LMO7: variants seen among roughly 807,000 people sequenced by gnomAD.
The protein encoded by LMO7 is LIM domain 7.
Under a neutral mutation model 206.5 loss-of-function variants are expected in LMO7, and 120 were observed. That is an observed-to-expected ratio of 0.58 (90% CI 0.50 to 0.68). The LOEUF is 0.68. Among genes scored for constraint, LMO7 ranks in the 30% least tolerant of loss-of-function variants. The pLI, the probability that LMO7 is intolerant of heterozygous loss-of-function variation, is 0.00. For missense variants in LMO7, 1,959 were observed against 1,957.9 expected, an observed-to-expected ratio of 1.00 and a Z score of -0.01; for synonymous variants, 706 against 681.5, an observed-to-expected ratio of 1.04 and a Z score of -0.56.
At position 75,838,243 on chromosome 13, in the gene LMO7, C is replaced by T. The variant is rs375116087; in HGVS notation, c.3451+47C>T. ...TCATGCACTTTCATGGAATTGTTCT[C>T]CCTCTCCACTCTTCCTCATGGTCTG... On this transcript the variant is annotated intron_variant, in intron 20 of 30. Coordinates refer to ENST00000377534, the MANE Select transcript of LMO7 (RefSeq NM_001306080.2). 2.6e-6 allele frequency: 4 copies of T among 1,537,226 alleles called. No homozygotes were observed. The African/African-American group carries it at 4.1e-5, about 16-fold the overall frequency.
At chr13:75,737,990 A>G (rs977679344) in intron 3 of LMO7, among the ~76,000 whole-genome samples, 1 of 151,776 alleles carries the variant, frequency 6.6e-6, no homozygotes, top group African/African-American at 2.4e-5. Context: ...TTTGAAGGCT[A>G]CAGATATCCC....
At position 75,858,057 on chromosome 13, in the gene LMO7, A is replaced by AT. The variant is rs761627446; in HGVS notation, c.*115dup. ...TTTTGCTTTTTTTTTAAAAAAAAGAATAACTTTTTTTGCCTCTTTAGATTA... is the reference window on the plus strand; with the variant it reads ...TTTTGCTTTTTTTTTAAAAAAAAGAATTAACTTTTTTTGCCTCTTTAGATTA... On this transcript the variant is annotated 3_prime_UTR_variant, in exon 31 of 31. Transcript: ENST00000377534. 1.7e-5 allele frequency: 22 copies of AT among 1,322,132 alleles called. No individual in the cohort carries two copies. The highest frequency in any genetic ancestry group is 3.7e-4 in the Middle Eastern group (2 of 5,374). 81.9% of individuals were successfully genotyped at this position (1,322,132 alleles called of 1,614,324 possible). A position where few individuals can be genotyped will look rare whatever the true frequency, so the allele number is the denominator to read the frequency against.
intron 1 of LMO7, among the ~76,000 whole-genome samples, chr13:75,671,080 T>TC (rs35724045): frequency 6.6e-6 from 1 of 151,180 alleles, no homozygotes; most frequent in African/African-American, 2.4e-5. Context: ...GTCTTCTACC[T>TC]CCACGTCTTG....
chr13:75,816,359 T>C (rs2056989895), intron 11 of LMO7, among the ~76,000 whole-genome samples: 1 of 152,196 alleles, frequency 6.6e-6, no homozygotes, highest in African/African-American at 2.4e-5. Context: ...ATCTGACCTC[T>C]CCCTTTCCTT....
intron 2 of LMO7, chr13:75,631,168 A>C (rs1170476113): frequency 6.6e-6 from 1 of 152,146 alleles, no homozygotes; most frequent in East Asian, 1.9e-4. Context: ...CTGGGATTAC[A>C]GGCACGTGCC....
intron 1 of LMO7, among the ~76,000 whole-genome samples, chr13:75,664,264 T>C (rs926420432): frequency 1.3e-5 from 2 of 152,170 alleles, no homozygotes; most frequent in African/African-American, 4.8e-5. Flanking sequence ...AACTTTTAGC[T>C]CCATGAGAAC....
At chr13:75,790,199 G>T (rs1016313268) in intron 4 of LMO7, among the ~76,000 whole-genome samples, 1 of 152,126 alleles carries the variant, frequency 6.6e-6, no homozygotes, top group African/African-American at 2.4e-5. Context: ...GGGGGTGGAG[G>T]GGGCGGAGTT....
chr13:75,820,188 A>G lies in LMO7; in HGVS notation c.2207+653A>G, dbSNP rs118149033. Among the ~76,000 whole-genome samples the G allele has an allele frequency of 6.7e-3, 1,017 of 152,330 alleles. 11 individuals are homozygous for G. Among genetic ancestry groups the G allele is most frequent in the Non-Finnish European group, 0.01 (696 of 68,026 alleles). ...GAAACAAAGCCACTTTCTGCCCTAAAAGCCAAAGATAAGCAGTTTCATTCA... is the reference window on the plus strand; with the variant it reads ...GAAACAAAGCCACTTTCTGCCCTAAGAGCCAAAGATAAGCAGTTTCATTCA... On this transcript the variant is annotated intron_variant, in intron 13 of 30. Transcript: ENST00000377534.
intron 1 of LMO7, among the ~76,000 whole-genome samples, chr13:75,671,788 G>A (rs137919851): frequency 6.6e-6 from 1 of 152,094 alleles, no homozygotes. Flanking sequence ...TTGCCAAGGA[G>A]TAAAATATCT....
intron 1 of LMO7, among the ~76,000 whole-genome samples, chr13:75,648,195 AC>A (rs2037229602): frequency 6.6e-6 from 1 of 151,686 alleles, no homozygotes; most frequent in African/African-American, 2.4e-5. Context: ...CGATCCTCCC[AC>A]TTTGGTGTCT....
chr13:75,703,501 A>G (rs921874540), intron 1 of LMO7, among the ~76,000 whole-genome samples: 4 of 152,216 alleles, frequency 2.6e-5, no homozygotes, highest in African/African-American at 7.2e-5. Context: ...ACCTTGTTGT[A>G]GCTCAATTTC....
At chr13:75,674,477 T>G (rs2039848903) in intron 1 of LMO7, among the ~76,000 whole-genome samples, 1 of 152,244 alleles carries the variant, frequency 6.6e-6, no homozygotes, top group African/African-American at 2.4e-5. Context: ...CTGTGGATTG[T>G]GCTTTCAGAA....
chr13:75,821,948 T>G (rs41287008), intron 14 of LMO7, among the ~76,000 whole-genome samples: 19,851 of 152,186 alleles, frequency 0.13, 1,719 homozygotes, highest in Admixed American at 0.21. Flanking sequence ...GTCAGTATGA[T>G]TGTTCTTCTT....
intron 4 of LMO7, among the ~76,000 whole-genome samples, chr13:75,762,983 A>G (rs2048385733): frequency 6.6e-6 from 1 of 152,210 alleles, no homozygotes; most frequent in Non-Finnish European, 1.5e-5. Context: ...AAGGAAGCAG[A>G]TTTAAAGAAA....
chr13:75,753,523 A>G (rs539138832), intron 3 of LMO7, among the ~76,000 whole-genome samples: 1 of 152,166 alleles, frequency 6.6e-6, no homozygotes, highest in South Asian at 2.1e-4. Context: ...CCCAAATCTC[A>G]TCTTGAATTG....
intron 15 of LMO7, among the ~76,000 whole-genome samples, chr13:75,826,302 A>G (rs1330406690): frequency 1.3e-5 from 2 of 152,060 alleles, no homozygotes; most frequent in African/African-American, 2.4e-5. Flanking sequence ...TTGGCCTCCA[A>G]AAGTGCTGGG....
Position 75,836,449 on chromosome 13 carries a change from A to T in LMO7, c.3386A>T (p.Glu1129Val). ...ATTCATGATGAAAGCAATGCTTTTG[A>T]ATCAAAAGGTAAATATCACCTTTAT... ...NGIHDESNAF[E>V]SKASESISLK... Residue 1129 changes from glutamate to valine, a missense_variant, in exon 19 of 31, where the codon GAA becomes GTA. Transcript: ENST00000377534. The T allele has an allele frequency of 1.3e-6, 2 of 1,488,540 alleles. No individual in the cohort carries two copies. Among genetic ancestry groups the T allele is most frequent in the Non-Finnish European group, 9.2e-7 (1 of 1,083,352 alleles). The allele number at this position is 1,488,540 out of a possible 1,614,324, so 92.2% of individuals were successfully genotyped here. A position where few individuals can be genotyped will look rare whatever the true frequency, so the allele number is the denominator to read the frequency against.
At chr13:75,651,309 CTT>C (rs33997803) in intron 1 of LMO7, among the ~76,000 whole-genome samples, 60 of 135,424 alleles carry the variant, frequency 4.4e-4, no homozygotes, top group East Asian at 8.5e-4. Context: ...GTGTGGTTTC[CTT>C]TTTTTTTTTT....
chr13:75,738,211 T>G (rs1250692822), intron 3 of LMO7, among the ~76,000 whole-genome samples: 2 of 152,240 alleles, frequency 1.3e-5, no homozygotes, highest in African/African-American at 4.8e-5. Flanking sequence ...TGTTACGGTG[T>G]TCCACACCCC....
Sources: allele counts gnomAD v4.1 joint callset (sites outside exome capture counted in the v4.1 genomes callset), GRCh38; gene constraint gnomAD v4.1.1; transcripts MANE v1.5; gene names NCBI Gene and HGNC (gene_info 2026-07-23, HGNC 2026-07-21).